SNAPC4: variants seen among roughly 807,000 people sequenced by gnomAD.
The protein encoded by SNAPC4 is snRNA-activating protein complex subunit 4.
A neutral mutation model predicts 151.3 loss-of-function variants in SNAPC4; 127 were observed. The ratio of observed to expected loss-of-function variants is 0.84; its 90% CI spans 0.73 to 0.97. The LOEUF is 0.97. Ranked by LOEUF, SNAPC4 falls within the 50% of genes least tolerant of loss-of-function variation. The pLI, the probability that SNAPC4 is intolerant of heterozygous loss-of-function variation, is 0.00. For missense variants in SNAPC4, 2,186 were observed against 1,935.0 expected (o/e 1.13, Z -2.43); for synonymous variants, 1,002 against 824.4 (o/e 1.22, Z -3.69).
At chr9:136,397,764 T>C (rs914467826) in intron 2 of SNAPC4, among the ~76,000 whole-genome samples, 1 of 148,396 alleles carries the variant, frequency 6.7e-6, no homozygotes, top group African/African-American at 2.5e-5. Context: ...GAGGGGCACA[T>C]GTGAGAAGAA....
chr9:136,396,552 G>A (rs555662324), intron 3 of SNAPC4, among the ~76,000 whole-genome samples: 25 of 152,256 alleles, frequency 1.6e-4, no homozygotes, highest in Admixed American at 4.6e-4. Context: ...AAGTAGCTGC[G>A]TCCACAGCCA....
rs1188202635 is a variant in SNAPC4 at position 136,395,423 on chromosome 9, C to T, written c.346G>A (p.Glu116Lys). Residue 116 changes from glutamate (E) to lysine (K), a missense_variant and splice_region_variant, in exon 5 of 24, where the codon GAG (glutamate) becomes AAG (lysine). By Grantham distance (56) the Glu-to-Lys change is moderately conservative. Transcript: ENST00000684778. ...LLLAQNREQQ[E>K]ELMRDLAGSK... ...CCAGCCAGATCCCTCATGAGTTCCT[C>T]CTGTGACAGACACAAGGCAGGGACC... 6.2e-7 allele frequency: 1 copy of T among 1,612,320 alleles called. No individual in the cohort carries two copies. Among genetic ancestry groups the T allele is most frequent in the Admixed American group, 1.7e-5 (1 of 59,884 alleles).
chr9:136,395,575 G>A (rs746220691), intron 4 of SNAPC4, 28 bp downstream of exon 4: 6 of 1,593,730 alleles, frequency 3.8e-6, no homozygotes, highest in South Asian at 1.1e-5. Context: ...GGGAGGTGTG[G>A]GCACCGGGGG....
chr9:136,380,949 G>T, intron 19 of SNAPC4, 99 bp from the exon 20 acceptor site: 1 of 706,462 alleles, frequency 1.4e-6, no homozygotes, highest in Non-Finnish European at 2.5e-6. Flanking sequence ...TGAGGCTGGG[G>T]CGGCTACCTT....
At chr9:136,379,763 G>T in intron 21 of SNAPC4, 74 bp downstream of exon 21, 2 of 1,415,294 alleles carry the variant, frequency 1.4e-6, no homozygotes. Flanking sequence ...GTGAAAGCCA[G>T]GGCCAGGTTA....
chr9:136,387,777 G>T lies in SNAPC4; in HGVS notation c.1195C>A (p.Leu399Met). 1.9e-6 allele frequency: 3 copies of T among 1,612,728 alleles called. No individual in the cohort carries two copies. Among genetic ancestry groups the T allele is most frequent in the Non-Finnish European group, 2.5e-6 (3 of 1,178,818 alleles). ...TCCGGGGCCCAGTAACCCTTCTTCA[G>T]ACCAGGATCCAAGCTCTTGGTCCAT... ...YRWTKSLDPG[L>M]KKGYWAPEED... The change falls in exon 12 of 24, where the codon CTG (leucine) becomes ATG (methionine). Residue 399 changes from leucine to methionine, a missense_variant. Physicochemically the swap from Leu to Met is conservative, Grantham distance 15 (BLOSUM62 2). Coordinates refer to ENST00000684778, the MANE Select transcript of SNAPC4 (RefSeq NM_003086.4).
At chr9:136,381,782 C>T (rs780767028) in intron 18 of SNAPC4, 42 bp downstream of exon 18, 10 of 1,584,920 alleles carry the variant, frequency 6.3e-6, no homozygotes, top group South Asian at 3.4e-5. Flanking sequence ...TCATCCTCAC[C>T]CCTCGCCCCC....
rs996016429 is a variant in SNAPC4, at chr9:136,383,009, T to A, written c.1983+177A>T. On this transcript the variant is annotated intron_variant, in intron 16 of 23. Coordinates refer to ENST00000684778, the MANE Select transcript of SNAPC4 (RefSeq NM_003086.4). This position sits in a 1 kb window ranked among gnomAD's most constrained non-coding sequence, Gnocchi z 4.2. ...GAAACAGTCAACAAGCCAGGAAAAA[T>A]GGAGGCTTCCCCAACAGTCCCCCCG... Among the ~76,000 whole-genome samples, 26 of 152,054 alleles carry A rather than the reference T, an allele frequency of 1.7e-4. No individual in the cohort carries two copies. Among genetic ancestry groups the A allele is most frequent in the African/African-American group, 5.8e-4 (24 of 41,392 alleles).
At chr9:136,377,429 C>G (rs1279724768) in intron 22 of SNAPC4, 114 bp downstream of exon 22, 6 of 1,320,668 alleles carry the variant, frequency 4.5e-6, no homozygotes, top group Non-Finnish European at 5.0e-6. Context: ...CACCCAGCAG[C>G]CAGCCTTCCT....
rs1406450916 is a variant in SNAPC4, at chr9:136,378,086, A to G, written c.3741T>C (p.Pro1247=). ...LEKLPLRQPG[P]EKGALDLEKP... The stretch of plus-strand genomic sequence containing the variant: ...TCTCCAGGTCCAGGGCCCCCTTCTC[A>G]GGCCCAGGCTGGCGCAGGGGCAGCT... The change falls in exon 22 of 24, where the codon CCT becomes CCC. Residue 1247 remains proline, a synonymous_variant. Transcript: ENST00000684778. The G allele has an allele frequency of 1.3e-6, 2 of 1,582,702 alleles. No homozygotes were observed. Among genetic ancestry groups the G allele is most frequent in the East Asian group, 2.3e-5 (1 of 43,344 alleles).
At position 136,378,249 on chromosome 9, in the gene SNAPC4, G is replaced by T. The variant is rs139860748; in HGVS notation, c.3578C>A (p.Ala1193Asp). 1.9e-6 allele frequency: 3 copies of T among 1,609,546 alleles called. No individual in the cohort carries two copies. The highest frequency in any genetic ancestry group is 1.3e-5 in the African/African-American group (1 of 75,026). ...AGGGGGTTCTGCTTCAGGAGGGTCA[G>T]CGTGGGAGGACGTCCTGGGCTCAGG... The part of the protein sequence containing the change: ...EIPEPRTSSH[A>D]DPPEAEPPWS... The change falls in exon 22 of 24, where the codon GCT becomes GAT. Residue 1193 changes from alanine to aspartate, a missense_variant. Ala to Asp is a moderately radical substitution (Grantham distance 126). Transcript: ENST00000684778.
At chr9:136,389,923 G>A (rs1053715007) in intron 10 of SNAPC4, among the ~76,000 whole-genome samples, 1 of 152,210 alleles carries the variant, frequency 6.6e-6, no homozygotes, top group Non-Finnish European at 1.5e-5. Context: ...GAATCTGGCG[G>A]GGGAAAGTGC....
Position 136,395,732 on chromosome 9 carries a change from G to A in SNAPC4, c.216C>T (p.Asp72=), listed in dbSNP as rs1266317376. 9.3e-6 allele frequency: 15 copies of A among 1,613,318 alleles called. No individual in the cohort carries two copies. Among genetic ancestry groups the A allele is most frequent in the African/African-American group, 2.7e-5 (2 of 74,952 alleles). ...CAGGGAGGGTTTTATCCTTGGGATC[G>A]TCCTCGTCATTGCTGGCTTCGCCCC... The part of the protein sequence containing the change: ...ERWGEASNDE[D]DPKDKTLPED... Residue 72 remains aspartate, a synonymous_variant, in exon 4 of 24, where the codon GAC becomes GAT. Transcript: ENST00000684778.
chr9:136,392,256 T>C lies in SNAPC4; in HGVS notation c.811-150A>G, dbSNP rs537774445. 5.9e-5 allele frequency: 59 copies of C among 1,001,542 alleles called. 1 individual carries two copies. In the South Asian group the frequency reaches 8.1e-4, roughly 14 times the overall value. 62.0% of individuals were successfully genotyped at this position (1,001,542 alleles called of 1,614,324 possible). ...TTCGTCCAACTCACTAGGCCTTGCA[T>C]AGCCAAACATGTAGACTTGGCTCCA... On this transcript the variant is annotated intron_variant, in intron 9 of 23. Coordinates refer to ENST00000684778, the MANE Select transcript of SNAPC4 (RefSeq NM_003086.4).
chr9:136,391,784 C>G (rs1834082664), intron 10 of SNAPC4, among the ~76,000 whole-genome samples, 158 bp downstream of exon 10: 1 of 152,222 alleles, frequency 6.6e-6, no homozygotes, highest in Non-Finnish European at 1.5e-5. Context: ...GAGGGCTGGG[C>G]AGGCTCCTTC....
chr9:136,386,856 G>A (rs1353487863), intron 13 of SNAPC4, among the ~76,000 whole-genome samples: 4 of 152,016 alleles, frequency 2.6e-5, no homozygotes, highest in African/African-American at 9.7e-5. Flanking sequence ...AGGCTCAAGC[G>A]ATTCTCCTGC....
At chr9:136,399,682 C>T (rs1471434592) in intron 1 of SNAPC4, among the ~76,000 whole-genome samples, 1 of 152,196 alleles carries the variant, frequency 6.6e-6, no homozygotes, top group Non-Finnish European at 1.5e-5. Flanking sequence ...GGGACGCCAC[C>T]CAGACTCGGC....
At chr9:136,377,495 A>G in intron 22 of SNAPC4, 48 bp downstream of exon 22, 2 of 1,495,588 alleles carry the variant, frequency 1.3e-6, no homozygotes, top group Non-Finnish European at 1.8e-6. Flanking sequence ...AGGGCACCCC[A>G]GGGACCGCCG....
intron 7 of SNAPC4, among the ~76,000 whole-genome samples, chr9:136,393,166 C>A (rs1834140986): frequency 6.6e-6 from 1 of 152,226 alleles, no homozygotes; most frequent in South Asian, 2.1e-4. Flanking sequence ...AACCACTCCC[C>A]AGAGCAGGCC....
Sources: gnomAD v4.1 joint callset for allele counts (sites outside exome capture counted in the v4.1 genomes callset) on GRCh38, gnomAD v4.1.1 for gene constraint, Gnocchi (gnomAD v3.1) non-coding constraint, MANE v1.5 for transcripts, NCBI Gene and HGNC (gene_info 2026-07-23, HGNC 2026-07-21) for gene names.